The following DMTF1 variants were observed in gnomAD, a reference collection of about 807,000 sequenced individuals.
DMTF1 encodes cyclin D binding myb like transcription factor 1.
A neutral mutation model predicts 91.1 loss-of-function variants in DMTF1; 39 were observed. The ratio of observed to expected loss-of-function variants is 0.43; its 90% CI spans 0.33 to 0.56. The LOEUF is 0.56. Among genes scored for constraint, DMTF1 ranks in the 20% least tolerant of loss-of-function variants. The pLI, the probability that DMTF1 is intolerant of heterozygous loss-of-function variation, is 0.05. For missense variants in DMTF1, 750 were observed against 914.5 expected (o/e 0.82, Z 2.32); for synonymous variants, 338 against 309.5 (o/e 1.09, Z -0.97).
intron 1 of DMTF1, among the ~76,000 whole-genome samples, chr7:87,157,103 T>C (rs936351217): frequency 2.0e-5 from 3 of 152,116 alleles, no homozygotes; most frequent in Non-Finnish European, 2.9e-5. Flanking sequence ...ATTTTTCTTA[T>C]ACTGTATTGG....
At chr7:87,175,642 A>G (rs1239004154) in intron 7 of DMTF1, among the ~76,000 whole-genome samples, 1 of 152,198 alleles carries the variant, frequency 6.6e-6, no homozygotes, top group Non-Finnish European at 1.5e-5. Context: ...TAGAGCAGTT[A>G]TGGAAAATTT....
chr7:87,195,460 G>A lies in DMTF1; in HGVS notation c.*320G>A, dbSNP rs1801052082. 4.5e-6 allele frequency: 1 copy of A among 220,142 alleles called. No homozygotes were observed. Among genetic ancestry groups the A allele is most frequent in the South Asian group, 8.2e-5 (1 of 12,122 alleles). 13.6% of individuals were successfully genotyped at this position (220,142 alleles called of 1,614,324 possible). A position where few individuals can be genotyped will look rare whatever the true frequency, so the allele number is the denominator to read the frequency against. On this transcript the variant is annotated 3_prime_UTR_variant, in exon 18 of 18. Coordinates refer to ENST00000331242, the MANE Select transcript of DMTF1 (RefSeq NM_001142327.2). ...TTAGAATCACGAAAGCTTAACTGCT[G>A]TGGTTTAAAGTACAGTTTCTCTAAA...
intron 15 of DMTF1, 183 bp from the exon 16 acceptor site, chr7:87,193,542 T>A (rs1452492497): frequency 1.2e-6 from 1 of 800,306 alleles, no homozygotes; most frequent in Non-Finnish European, 2.0e-6. Flanking sequence ...GTAAGATGGC[T>A]ATACATTAGA....
At chr7:87,156,928 T>C (rs74682003) in intron 1 of DMTF1, among the ~76,000 whole-genome samples, 1 of 152,270 alleles carries the variant, frequency 6.6e-6, no homozygotes, top group East Asian at 1.9e-4. Flanking sequence ...TAAATTTAGA[T>C]CTATGTGCTC....
chr7:87,173,661 C>G lies in DMTF1; in HGVS notation c.442+12C>G. ...TCTGACTAATAAAGGTAAGATAACA[C>G]TGTGAATTTTAGTGCCTAGTGAAAA... On this transcript the variant is annotated intron_variant, in intron 6 of 17. Transcript: ENST00000331242. 6.4e-7 allele frequency: 1 copy of G among 1,560,512 alleles called. No homozygotes were observed. Among genetic ancestry groups the G allele is most frequent in the South Asian group, 1.2e-5 (1 of 86,866 alleles).
rs371537224 is a variant in DMTF1, at chr7:87,187,988, T to C, written c.1202-104T>C. ...CTCTCACATCCAGTATGCAGTTATT[T>C]ATTCCAAATACTTTCCCTCCTTACC... On this transcript the variant is annotated intron_variant, in intron 12 of 17. Coordinates refer to ENST00000331242, the MANE Select transcript of DMTF1 (RefSeq NM_001142327.2). 1,720 of 783,548 alleles carry C rather than the reference T, an allele frequency of 2.2e-3. 49 individuals carry two copies. In the South Asian group the frequency reaches 0.027, roughly 12 times the overall value. 48.5% of individuals were successfully genotyped at this position (783,548 alleles called of 1,614,324 possible).
At chr7:87,152,954 C>T (rs1343981970) in intron 1 of DMTF1, 1 of 154,588 alleles carries the variant, frequency 6.5e-6, no homozygotes, top group Non-Finnish European at 1.5e-5. Context: ...AGTAAGGAAG[C>T]CCTACTTGTT....
At chr7:87,188,447 A>G in intron 13 of DMTF1, 146 bp downstream of exon 13, 1 of 813,906 alleles carries the variant, frequency 1.2e-6, no homozygotes, top group East Asian at 2.6e-5. Flanking sequence ...TGTTTAGTTC[A>G]GTTAATATTT....
chr7:87,190,044 T>G (rs1264293200), intron 13 of DMTF1, among the ~76,000 whole-genome samples: 1 of 152,088 alleles, frequency 6.6e-6, no homozygotes, highest in East Asian at 1.9e-4. Flanking sequence ...ACAGTAAAAG[T>G]TCCAAATCAT....
intron 11 of DMTF1, among the ~76,000 whole-genome samples, chr7:87,185,546 T>C (rs1798222884): frequency 6.6e-6 from 1 of 152,256 alleles, no homozygotes; most frequent in African/African-American, 2.4e-5. Flanking sequence ...ACCTTTAGCA[T>C]ACTCCTTTTC....
chr7:87,190,479 G>A (rs1445116396), intron 13 of DMTF1, among the ~76,000 whole-genome samples: 1 of 151,934 alleles, frequency 6.6e-6, no homozygotes, highest in African/African-American at 2.4e-5. Context: ...TTTGCAGGTT[G>A]GTCTTAGTGT....
At chr7:87,191,128 G>T in intron 14 of DMTF1, 101 bp downstream of exon 14, 2 of 746,750 alleles carry the variant, frequency 2.7e-6, no homozygotes, top group Non-Finnish European at 4.4e-6. Context: ...AAAGTCTGAG[G>T]CCAAATGAAT....
At chr7:87,176,967 G>A (rs1373249185) in intron 7 of DMTF1, among the ~76,000 whole-genome samples, 1 of 152,120 alleles carries the variant, frequency 6.6e-6, no homozygotes, top group Non-Finnish European at 1.5e-5. Flanking sequence ...ATCTCACTCT[G>A]TGGTCATCCT....
chr7:87,160,199 G>T (rs981943648), intron 1 of DMTF1, among the ~76,000 whole-genome samples: 6 of 151,826 alleles, frequency 4.0e-5, no homozygotes, highest in Non-Finnish European at 7.4e-5. Flanking sequence ...TGTAACAACT[G>T]TCTTGATTGC....
chr7:87,172,286 A>G (rs764906900), intron 5 of DMTF1, among the ~76,000 whole-genome samples: 20 of 152,336 alleles, frequency 1.3e-4, no homozygotes, highest in Non-Finnish European at 2.4e-4. Context: ...TAAAAAATCA[A>G]AAAGTATGAC....
chr7:87,178,988 T>C (rs979809587), intron 7 of DMTF1, among the ~76,000 whole-genome samples: 3 of 152,032 alleles, frequency 2.0e-5, no homozygotes, highest in African/African-American at 7.2e-5. Context: ...TGATGTCTTC[T>C]AGGAATTGAT....
In DMTF1 at chr7:87,174,576, C is replaced by G; in HGVS notation, c.443-17C>G. 6.5e-7 allele frequency: 1 copy of G among 1,546,818 alleles called. No individual in the cohort carries two copies. The highest frequency in any genetic ancestry group is 8.8e-7 in the Non-Finnish European group (1 of 1,130,142). ...AGGAGTAACATTTTTTATAACATTACTTGTTTTCTTTTAAAGGACATAAAT... is the reference window on the plus strand; with the variant it reads ...AGGAGTAACATTTTTTATAACATTAGTTGTTTTCTTTTAAAGGACATAAAT... On this transcript the variant is annotated splice_polypyrimidine_tract_variant and intron_variant, in intron 6 of 17. Coordinates refer to ENST00000331242, the MANE Select transcript of DMTF1 (RefSeq NM_001142327.2).
chr7:87,156,402 A>G (rs1267955467), intron 1 of DMTF1, among the ~76,000 whole-genome samples: 1 of 152,160 alleles, frequency 6.6e-6, no homozygotes, highest in Non-Finnish European at 1.5e-5. Flanking sequence ...TATGATATAT[A>G]ATCATATTTT....
At chr7:87,185,781 A>T (rs1176490265) in intron 11 of DMTF1, 48 bp from the exon 12 acceptor site, 6 of 1,604,416 alleles carry the variant, frequency 3.7e-6, no homozygotes, top group Non-Finnish European at 5.1e-6. Context: ...AGGGGTTCTT[A>T]TAGAGAAATT....
Sources: gnomAD v4.1 joint callset for allele counts (sites outside exome capture counted in the v4.1 genomes callset) on GRCh38, gnomAD v4.1.1 for gene constraint, MANE v1.5 for transcripts, NCBI Gene and HGNC (gene_info 2026-07-23, HGNC 2026-07-21) for gene names.